Variants in MAGI3 observed in about 807,000 individuals in gnomAD.
MAGI3 encodes membrane associated guanylate kinase, WW and PDZ domain containing 3.
MAGI3 carries 43 observed loss-of-function variants against 121.8 expected under a neutral mutation model. The ratio of observed to expected loss-of-function variants is 0.35; its 90% CI spans 0.28 to 0.46. The LOEUF is 0.46. MAGI3 is among the 20% of genes least tolerant of loss of function. MAGI3 has a pLI of 1.00. For synonymous variants in MAGI3, 553 were observed against 639.3 expected (o/e 0.86, Z 2.04); for missense variants, 1,547 against 1,797.3 (o/e 0.86, Z 2.52).
At chr1:113,521,409 T>G (rs928556376) in intron 1 of MAGI3, among the ~76,000 whole-genome samples, 4 of 113,512 alleles carry the variant, frequency 3.5e-5, no homozygotes, top group Non-Finnish European at 5.6e-5. Flanking sequence ...TTTTTTTGTT[T>G]TTTGTTTTTT....
chr1:113,456,569 G>T (rs1449715773), intron 1 of MAGI3, among the ~76,000 whole-genome samples: 1 of 152,084 alleles, frequency 6.6e-6, no homozygotes, highest in Admixed American at 6.5e-5. Flanking sequence ...GATATTAAAA[G>T]AACATTTCAT....
At chr1:113,423,259 T>TG (rs780415816) in intron 1 of MAGI3, among the ~76,000 whole-genome samples, 17,570 of 119,236 alleles carry the variant, frequency 0.15, 1,766 homozygotes, top group South Asian at 0.21. Flanking sequence ...TTTTTTTTTT[T>TG]GGGGGGGGGG....
Position 113,672,641 on chromosome 1 carries a change from A to G in MAGI3, c.2945A>G (p.Lys982Arg). The G allele has an allele frequency of 6.2e-7, 1 of 1,613,762 alleles. No homozygotes were observed. Among genetic ancestry groups the G allele is most frequent in the Non-Finnish European group, 8.5e-7 (1 of 1,179,844 alleles). The stretch of plus-strand genomic sequence containing the variant: ...AGTGCCCTAGAAGGTGAAATTGGAA[A>G]AGATGTCTCCACTTCTTACAGACAT... ...DRSALEGEIG[K>R]DVSTSYRHSW... is the part of the protein sequence containing the mutation. Residue 982 changes from lysine to arginine, a missense_variant, in exon 18 of 21, where the codon AAA becomes AGA. Lys to Arg is a conservative substitution (Grantham distance 26, BLOSUM62 2). Coordinates refer to ENST00000307546, the MANE Select transcript of MAGI3 (RefSeq NM_001142782.2).
Position 113,524,173 on chromosome 1 carries a change from G to A in MAGI3, c.317-25342G>A, listed in dbSNP as rs544333835. Among the ~76,000 whole-genome samples the A allele has an allele frequency of 3.3e-5, 5 of 152,332 alleles. No homozygotes were observed. The South Asian group carries it at 6.2e-4, about 19-fold the overall frequency. On this transcript the variant is annotated intron_variant, in intron 1 of 20. Transcript: ENST00000307546. ...AGAGGATTTATGGAAATGCTTGGAT[G>A]TCCAGGCAGAAGTTTGCTGCGGGGA...
intron 17 of MAGI3, 59 bp downstream of exon 17, chr1:113,671,895 G>C: frequency 6.9e-7 from 1 of 1,455,452 alleles, no homozygotes; most frequent in African/African-American, 1.4e-5. Context: ...TTATTGCTCT[G>C]CTGTTCATAA....
rs1570915152 is a variant in MAGI3 at position 113,594,487 on chromosome 1, T to C, written c.945T>C (p.Asn315=). 6.2e-7 allele frequency: 1 copy of C among 1,611,732 alleles called. No individual in the cohort carries two copies. The highest frequency in any genetic ancestry group is 2.2e-5 in the East Asian group (1 of 44,812). Residue 315 remains asparagine (N), a synonymous_variant, in exon 6 of 21, where the codon AAT becomes AAC. Transcript: ENST00000307546. ...DTGMIYFIDH[N]TKTTTWLDPR... is the part of the protein sequence containing the mutation. Reference sequence around the variant, plus strand: ...TAAAATCTTTATTCTACAGCCACAATACCAAGACAACCACCTGGTTGGATC... The same window carrying C: ...TAAAATCTTTATTCTACAGCCACAACACCAAGACAACCACCTGGTTGGATC...
At chr1:113,551,759 G>A (rs1429157854) in intron 2 of MAGI3, among the ~76,000 whole-genome samples, 5 of 151,856 alleles carry the variant, frequency 3.3e-5, no homozygotes, top group African/African-American at 1.2e-4. Flanking sequence ...CCATATATAA[G>A]CCTTTTGTAT....
intron 11 of MAGI3, 33 bp downstream of exon 11, chr1:113,643,807 C>A (rs779037927): frequency 6.2e-7 from 1 of 1,601,062 alleles, no homozygotes; most frequent in Non-Finnish European, 8.6e-7. Flanking sequence ...ATCTTTTCCC[C>A]AACACACTGA....
intron 1 of MAGI3, chr1:113,403,594 G>A (rs1219270023): frequency 1.3e-5 from 2 of 152,060 alleles, no homozygotes; most frequent in Admixed American, 1.3e-4. Context: ...TTGCATCACT[G>A]TAAAACCTCC....
intron 15 of MAGI3, among the ~76,000 whole-genome samples, chr1:113,654,760 A>T (rs1318668713): frequency 1.3e-5 from 2 of 152,042 alleles, no homozygotes; most frequent in Non-Finnish European, 1.5e-5. Flanking sequence ...ATATAATTAT[A>T]AAATCCAGTT....
chr1:113,531,611 C>T (rs1018152547), intron 1 of MAGI3, among the ~76,000 whole-genome samples: 9 of 151,344 alleles, frequency 5.9e-5, no homozygotes. Context: ...GTTTAAAGGT[C>T]GTGCATTTCT....
chr1:113,675,237 G>A (rs1308301716), intron 19 of MAGI3, among the ~76,000 whole-genome samples: 1 of 152,202 alleles, frequency 6.6e-6, no homozygotes, highest in African/African-American at 2.4e-5. Flanking sequence ...AGTGGTAGTG[G>A]TGGGAGTATA....
At position 113,585,490 on chromosome 1, in the gene MAGI3, A is replaced by C. The variant is rs769171899; in HGVS notation, c.657A>C (p.Gln219His). The C allele has an allele frequency of 3.7e-6, 6 of 1,614,022 alleles. No individual in the cohort carries two copies. In the East Asian group the frequency reaches 1.3e-4, roughly 36 times the overall value. Residue 219 changes from glutamine to histidine, a missense_variant, in exon 4 of 21, where the codon CAA becomes CAC. By Grantham distance (24) the Gln-to-His change is conservative. Coordinates refer to ENST00000307546, the MANE Select transcript of MAGI3 (RefSeq NM_001142782.2). ...ATAATGAGTTTGATGCAGAATCTCA[A>C]AGAAAACGAACGACATCTGTCAGCA... Reference protein sequence around the residue: ...LFDNEFDAESQRKRTTSVSKM... With the variant: ...LFDNEFDAESHRKRTTSVSKM...
At chr1:113,518,938 A>G (rs373763904) in intron 1 of MAGI3, among the ~76,000 whole-genome samples, 19 of 152,292 alleles carry the variant, frequency 1.2e-4, no homozygotes, top group African/African-American at 4.3e-4. Context: ...ATTTTTGGAT[A>G]TATATTGTCT....
intron 1 of MAGI3, among the ~76,000 whole-genome samples, chr1:113,397,100 C>T (rs1385264880): frequency 1.3e-5 from 2 of 152,100 alleles, no homozygotes; most frequent in Non-Finnish European, 2.9e-5. Flanking sequence ...TAGGATGAGT[C>T]CAAATGCCAC....
chr1:113,476,063 C>T (rs557041204), intron 1 of MAGI3, among the ~76,000 whole-genome samples: 11 of 152,202 alleles, frequency 7.2e-5, no homozygotes, highest in Admixed American at 5.2e-4. Context: ...TCTGTGGGAT[C>T]GGTGGTGATA....
chr1:113,487,750 G>GTT (rs371019698), intron 1 of MAGI3, among the ~76,000 whole-genome samples: 9 of 143,968 alleles, frequency 6.3e-5, no homozygotes, highest in Non-Finnish European at 1.1e-4. Context: ...ATTGACATCT[G>GTT]TTTTTTTTTT....
In MAGI3 at chr1:113,665,551, T is replaced by C. The variant is rs528162044; in HGVS notation, c.2816-6183T>C. 7.9e-5 allele frequency among the ~76,000 whole-genome samples: 12 copies of C among 152,256 alleles called. 1 individual carries two copies. The South Asian group carries it at 2.1e-3, about 26-fold the overall frequency. On this transcript the variant is annotated intron_variant, in intron 16 of 20. Transcript: ENST00000307546. The stretch of plus-strand genomic sequence containing the variant: ...CCAAAAAAAATCAAAGTGCAGTTTT[T>C]TGGGGATATATTGTGTATACGCGTA...
At chr1:113,503,330 A>G (rs1430418933) in intron 1 of MAGI3, among the ~76,000 whole-genome samples, 1 of 148,170 alleles carries the variant, frequency 6.7e-6, no homozygotes, top group Admixed American at 6.8e-5. Flanking sequence ...AAAAAAAAAA[A>G]AAAGGCTTAA....
Sources: allele counts gnomAD v4.1 joint callset (sites outside exome capture counted in the v4.1 genomes callset), GRCh38; gene constraint gnomAD v4.1.1; transcripts MANE v1.5; gene names NCBI Gene and HGNC (gene_info 2026-07-23, HGNC 2026-07-21).